The following MALRD1 variants were observed in gnomAD, a reference collection of about 807,000 sequenced individuals.
The protein encoded by MALRD1 is MAM and LDL receptor class A domain containing 1, also known as MAM and LDL-receptor class A domain-containing protein 1.
MALRD1 carries 247 observed loss-of-function variants against 242.1 expected under a neutral mutation model. That is an observed-to-expected ratio of 1.02 (90% CI 0.92 to 1.13). The LOEUF is 1.13. Among genes scored for constraint, MALRD1 ranks in the 50% most tolerant of loss-of-function variants. The pLI is 0.00. For missense variants in MALRD1, 2,989 were observed against 2,533.1 expected (o/e 1.18, Z -3.86); for synonymous variants, 995 against 866.6 (o/e 1.15, Z -2.60).
chr10:19,292,668 G>A (rs1318550746), intron 21 of MALRD1, among the ~76,000 whole-genome samples: 8 of 152,072 alleles, frequency 5.3e-5, no homozygotes, highest in African/African-American at 1.4e-4. Flanking sequence ...TGAGGCGGGC[G>A]GATCACGAGG....
intron 28 of MALRD1, 100 bp from the exon 29 acceptor site, chr10:19,450,207 G>A: frequency 3.0e-6 from 3 of 1,007,364 alleles, no homozygotes; most frequent in Admixed American, 5.8e-5. Context: ...AGTTTTTATT[G>A]GTCAAATGCT....
At chr10:19,720,706 T>C (rs569554182) in intron 38 of MALRD1, among the ~76,000 whole-genome samples, 18 of 149,176 alleles carry the variant, frequency 1.2e-4, no homozygotes, top group Non-Finnish European at 2.7e-4. Flanking sequence ...TACTGTGCTA[T>C]TTTTTTTATA....
At chr10:19,066,572 C>A in intron 1 of MALRD1, 147 bp from the exon 2 acceptor site, 1 of 588,596 alleles carries the variant, frequency 1.7e-6, no homozygotes, top group Non-Finnish European at 2.5e-6. Context: ...AAAAGCTTTG[C>A]ATGAATAAAG....
chr10:19,694,287 G>A (rs1332414253), intron 38 of MALRD1, among the ~76,000 whole-genome samples: 1 of 152,026 alleles, frequency 6.6e-6, no homozygotes, highest in Non-Finnish European at 1.5e-5. Context: ...GAGTGAACAG[G>A]CAACCTACAG....
intron 14 of MALRD1, among the ~76,000 whole-genome samples, chr10:19,192,912 T>A (rs1196571925): frequency 6.6e-6 from 1 of 150,792 alleles, no homozygotes; most frequent in Admixed American, 6.6e-5. Flanking sequence ...TAATTATTCT[T>A]TGAAGGTGAT....
chr10:19,513,392 T>C (rs1833488373), intron 31 of MALRD1, among the ~76,000 whole-genome samples: 1 of 152,010 alleles, frequency 6.6e-6, no homozygotes, highest in Non-Finnish European at 1.5e-5. Context: ...GCCATGCTTA[T>C]ACAGCTTGCA....
At chr10:19,658,123 G>C (rs1423749273) in intron 36 of MALRD1, among the ~76,000 whole-genome samples, 5 of 151,902 alleles carry the variant, frequency 3.3e-5, no homozygotes, top group Admixed American at 6.6e-5. Flanking sequence ...ACTCCAGCCT[G>C]GGCAACAAGA....
At chr10:19,106,217 A>G (rs976667115) in intron 5 of MALRD1, among the ~76,000 whole-genome samples, 1 of 151,626 alleles carries the variant, frequency 6.6e-6, no homozygotes, top group African/African-American at 2.4e-5. Context: ...CATGAGATCA[A>G]TTTGTTTTTA....
Position 19,204,898 on chromosome 10 carries a change from G to T in MALRD1, c.2211G>T (p.Trp737Cys). Residue 737 changes from tryptophan (W) to cysteine (C), a missense_variant and splice_region_variant, in exon 17 of 40, where the codon TGG becomes TGT. By Grantham distance (215) the Trp-to-Cys change is radical (BLOSUM62 -2). Transcript: ENST00000454679. ...ATTTCTTACGTTTACTCTTTTTTAG[G>T]TTCTATAACTATGGCCTGTCAGTGG... is the stretch of plus-strand genomic sequence containing the variant. The part of the protein sequence containing the change: ...QTGPGCILSF[W>C]FYNYGLSVGA... 1 of 1,541,442 alleles carries T rather than the reference G, an allele frequency of 6.5e-7. No individual in the cohort carries two copies.
intron 20 of MALRD1, 59 bp downstream of exon 20, chr10:19,280,282 A>G: frequency 7.7e-7 from 1 of 1,305,138 alleles, no homozygotes; most frequent in Non-Finnish European, 1.0e-6. Flanking sequence ...TGCAAGTGTA[A>G]TCTCTAAGTA....
At chr10:19,467,478 C>A (rs1005996450) in intron 29 of MALRD1, among the ~76,000 whole-genome samples, 1 of 149,054 alleles carries the variant, frequency 6.7e-6, no homozygotes, top group East Asian at 2.0e-4. Flanking sequence ...TACCCATATT[C>A]TCTCATTTAA....
chr10:19,174,436 C>G (rs1835135633), intron 13 of MALRD1, among the ~76,000 whole-genome samples: 1 of 152,076 alleles, frequency 6.6e-6, no homozygotes, highest in African/African-American at 2.4e-5. Context: ...ATTGGAGACC[C>G]TCCTTGACAG....
chr10:19,589,547 A>G (rs1046721208), intron 33 of MALRD1, among the ~76,000 whole-genome samples: 1 of 152,202 alleles, frequency 6.6e-6, no homozygotes, highest in Non-Finnish European at 1.5e-5. Flanking sequence ...AAGCTTTCAT[A>G]TAAGTCTCTT....
At chr10:19,456,201 C>T (rs1257513099) in intron 29 of MALRD1, among the ~76,000 whole-genome samples, 1 of 151,920 alleles carries the variant, frequency 6.6e-6, no homozygotes, top group Non-Finnish European at 1.5e-5. Flanking sequence ...TCACACCCCC[C>T]GAATAATCTT....
Position 19,124,687 on chromosome 10 carries a change from T to C in MALRD1, c.943+17T>C, listed in dbSNP as rs1837190542. The C allele has an allele frequency of 8.1e-7, 1 of 1,232,960 alleles. No individual in the cohort carries two copies. The highest frequency in any genetic ancestry group is 1.0e-6 in the Non-Finnish European group (1 of 987,800). 76.4% of individuals were successfully genotyped at this position (1,232,960 alleles called of 1,614,324 possible). On this transcript the variant is annotated intron_variant, in intron 7 of 39. Transcript: ENST00000454679. ...ATGATGAAGGTAGAAAAAAAAATAA[T>C]ATCTTTTATGTATTACTTTCAGAAT...
At chr10:19,136,931 A>G in intron 10 of MALRD1, 150 bp downstream of exon 10, 1 of 493,512 alleles carries the variant, frequency 2.0e-6, no homozygotes, top group Non-Finnish European at 3.2e-6. Flanking sequence ...TATTAGTACT[A>G]TGCCTTCAGG....
At chr10:19,597,145 C>G (rs1838137845) in intron 34 of MALRD1, among the ~76,000 whole-genome samples, 1 of 152,146 alleles carries the variant, frequency 6.6e-6, no homozygotes, top group African/African-American at 2.4e-5. Flanking sequence ...GCCAACCTGT[C>G]AGGTCTTCTA....
At chr10:19,274,975 A>G (rs1840438949) in intron 19 of MALRD1, among the ~76,000 whole-genome samples, 2 of 152,164 alleles carry the variant, frequency 1.3e-5, no homozygotes, top group Non-Finnish European at 1.5e-5. Flanking sequence ...ATGAGAAAAT[A>G]CAAATTGGTA....
At chr10:19,301,192 C>A (rs564559814) in intron 21 of MALRD1, among the ~76,000 whole-genome samples, 6 of 151,700 alleles carry the variant, frequency 4.0e-5, no homozygotes, top group African/African-American at 1.2e-4. Flanking sequence ...ATGGCTATTA[C>A]TAAAAAGTCA....
Sources: allele counts gnomAD v4.1 joint callset (sites outside exome capture counted in the v4.1 genomes callset), GRCh38; gene constraint gnomAD v4.1.1; transcripts MANE v1.5; gene names NCBI Gene and HGNC (gene_info 2026-07-23, HGNC 2026-07-21).